The following SLC16A2 variants were observed in gnomAD, a reference collection of about 807,000 sequenced individuals.
The protein encoded by SLC16A2 is monocarboxylate transporter 8.
Under a neutral mutation model 27.2 loss-of-function variants are expected in SLC16A2, and 3 were observed. That is an observed-to-expected ratio of 0.11 (90% confidence interval 0.05 to 0.28). SLC16A2 has a LOEUF of 0.28. Among genes scored for constraint, SLC16A2 ranks in the 10% least tolerant of loss-of-function variants. SLC16A2 has a pLI of 1.00. For synonymous variants in SLC16A2, 202 were observed against 187.8 expected, an observed-to-expected ratio of 1.08 and a Z score of -0.62; for missense variants, 295 against 458.5, an observed-to-expected ratio of 0.64 and a Z score of 3.26.
At chrX:74,501,300 C>T (rs1381684940) in intron 1 of SLC16A2, among the ~76,000 whole-genome samples, 1 of 111,213 alleles carries the variant, frequency 9.0e-6, no homozygotes, top group Non-Finnish European at 1.9e-5. Flanking sequence ...ACCAAACTCT[C>T]CCCAGAGAGA....
chrX:74,486,558 C>T (rs964850233), intron 1 of SLC16A2, among the ~76,000 whole-genome samples: 4 of 111,432 alleles, frequency 3.6e-5, no homozygotes, highest in South Asian at 3.8e-4. Context: ...GTTAGAATGG[C>T]GATCATTAAA....
intron 1 of SLC16A2, among the ~76,000 whole-genome samples, chrX:74,502,626 G>A (rs765713832): frequency 8.0e-5 from 9 of 112,512 alleles, no homozygotes; most frequent in Non-Finnish European, 1.7e-4. Flanking sequence ...CACATATCAA[G>A]CAAATATAAT....
intron 1 of SLC16A2, among the ~76,000 whole-genome samples, chrX:74,479,320 G>C (rs1189659238): frequency 8.9e-6 from 1 of 112,140 alleles, no homozygotes; most frequent in African/African-American, 3.2e-5. Flanking sequence ...CTCATGCCAT[G>C]GTTTTCAGCT....
intron 1 of SLC16A2, among the ~76,000 whole-genome samples, chrX:74,471,162 C>G (rs993633884): frequency 2.7e-5 from 3 of 111,926 alleles, no homozygotes; most frequent in Non-Finnish European, 5.6e-5. Flanking sequence ...TATACATAAA[C>G]AATTACCACC....
intron 1 of SLC16A2, among the ~76,000 whole-genome samples, chrX:74,449,286 G>A (rs1305354943): frequency 9.0e-6 from 1 of 111,633 alleles, no homozygotes; most frequent in Non-Finnish European, 1.9e-5. Context: ...TGAGTAGCTT[G>A]GACTCACAAC....
intron 1 of SLC16A2, among the ~76,000 whole-genome samples, chrX:74,514,259 G>T (rs901540741): frequency 1.0e-5 from 1 of 98,625 alleles, no homozygotes; most frequent in Admixed American, 1.1e-4. Context: ...AATGGAAGCA[G>T]ACCAAAAAAA....
intron 1 of SLC16A2, among the ~76,000 whole-genome samples, chrX:74,520,534 C>A (rs1345802729): frequency 9.0e-6 from 1 of 111,686 alleles, no homozygotes; most frequent in Non-Finnish European, 1.9e-5. Flanking sequence ...TGCACAGTGT[C>A]CTTAGAAATC....
intron 1 of SLC16A2, among the ~76,000 whole-genome samples, chrX:74,443,194 G>A (rs1179660213): frequency 1.8e-5 from 2 of 111,121 alleles, no homozygotes; most frequent in Non-Finnish European, 3.8e-5. Flanking sequence ...GAACAGAAAT[G>A]TTAAGTGACT....
intron 1 of SLC16A2, chrX:74,473,006 G>C (rs1443483268): frequency 4.1e-6 from 2 of 492,094 alleles, no homozygotes; most frequent in African/African-American, 4.7e-5. Context: ...GCTAAGGTTT[G>C]TTTCCTAATT....
intron 1 of SLC16A2, among the ~76,000 whole-genome samples, chrX:74,455,448 G>A (rs1029299605): frequency 7.2e-5 from 8 of 111,238 alleles, no homozygotes; most frequent in South Asian, 3.9e-4. Context: ...GGAAGCAAAA[G>A]ACCCTTAGGA....
At chrX:74,451,261 G>A (rs780332346) in intron 1 of SLC16A2, among the ~76,000 whole-genome samples, 2 of 111,788 alleles carry the variant, frequency 1.8e-5, no homozygotes, top group Non-Finnish European at 3.8e-5. Context: ...AATTTCAGAG[G>A]GGAAGTGCTG....
intron 1 of SLC16A2, among the ~76,000 whole-genome samples, chrX:74,509,775 C>T (rs1002106870): frequency 2.7e-5 from 3 of 111,845 alleles, no homozygotes; most frequent in Non-Finnish European, 5.6e-5. Flanking sequence ...ACCATGTTGG[C>T]CACGCTGGCT....
At chrX:74,464,255 T>G (rs1182461388) in intron 1 of SLC16A2, among the ~76,000 whole-genome samples, 1 of 112,512 alleles carries the variant, frequency 8.9e-6, no homozygotes, top group Non-Finnish European at 1.9e-5. Context: ...GTACAAGTTG[T>G]TTACAAGTAC....
intron 1 of SLC16A2, among the ~76,000 whole-genome samples, chrX:74,440,697 G>A (rs928657903): frequency 1.8e-5 from 2 of 110,035 alleles, no homozygotes; most frequent in African/African-American, 6.6e-5. Flanking sequence ...GTATGTATGT[G>A]TGTGAGTGGA....
intron 1 of SLC16A2, among the ~76,000 whole-genome samples, chrX:74,504,291 T>C (rs760211802): frequency 8.9e-6 from 1 of 111,817 alleles, no homozygotes; most frequent in South Asian, 3.8e-4. Context: ...CTGGCATGAG[T>C]GGCTATTGCC....
intron 1 of SLC16A2, among the ~76,000 whole-genome samples, chrX:74,506,625 G>A (rs1930131448): frequency 9.0e-6 from 1 of 111,335 alleles, no homozygotes; most frequent in African/African-American, 3.3e-5. Context: ...GGTTCAGTGG[G>A]CAGAGAGAGA....
intron 1 of SLC16A2, among the ~76,000 whole-genome samples, chrX:74,453,236 T>C (rs1928976484): frequency 9.0e-6 from 1 of 110,616 alleles, no homozygotes; most frequent in South Asian, 3.9e-4. Flanking sequence ...GGTGTCGCTA[T>C]GTTGACCAGG....
intron 1 of SLC16A2, among the ~76,000 whole-genome samples, chrX:74,424,528 A>G (rs1039029622): frequency 1.8e-5 from 2 of 112,042 alleles, no homozygotes; most frequent in Admixed American, 9.5e-5. Context: ...TCTGTGCCAC[A>G]GCACTGGTGT....
At chrX:74,491,508 GTTTC>G (rs1225794110) in intron 1 of SLC16A2, among the ~76,000 whole-genome samples, 1 of 111,840 alleles carries the variant, frequency 8.9e-6, no homozygotes, top group Non-Finnish European at 1.9e-5. Context: ...CATTGTAAAT[GTTTC>G]TTATCAGACT....
Sources: gnomAD v4.1 joint callset for allele counts (sites outside exome capture counted in the v4.1 genomes callset) on GRCh38, gnomAD v4.1.1 for gene constraint, MANE v1.5 for transcripts, NCBI Gene and HGNC (gene_info 2026-07-23, HGNC 2026-07-21) for gene names.